CHRM3: variants seen among roughly 807,000 people sequenced by gnomAD.
CHRM3 encodes muscarinic acetylcholine receptor M3.
Under a neutral mutation model 41.8 loss-of-function variants are expected in CHRM3, and 11 were observed. That is an observed-to-expected ratio of 0.26 (90% CI 0.17 to 0.44). The LOEUF (loss-of-function observed/expected upper bound fraction) is 0.44, where lower values mean the gene tolerates loss of function less well. CHRM3 is among the 20% of genes least tolerant of loss of function. The pLI is 1.00. For synonymous variants in CHRM3, 297 were observed against 301.4 expected, an observed-to-expected ratio of 0.99 and a Z score of 0.15; for missense variants, 571 against 745.4, an observed-to-expected ratio of 0.77 and a Z score of 2.72.
chr1:239,405,179 T>C (rs773089726), intron 1 of CHRM3, among the ~76,000 whole-genome samples: 1 of 152,130 alleles, frequency 6.6e-6, no homozygotes, highest in Non-Finnish European at 1.5e-5. Flanking sequence ...GTACATTAGG[T>C]TAAGAAAACA....
chr1:239,545,072 A>G (rs1659162395), intron 2 of CHRM3, among the ~76,000 whole-genome samples: 2 of 152,100 alleles, frequency 1.3e-5, no homozygotes, highest in Non-Finnish European at 2.9e-5. Flanking sequence ...AACATAGGCC[A>G]TAAAAAATTC....
intron 6 of CHRM3, among the ~76,000 whole-genome samples, chr1:239,848,099 A>G (rs1474402203): frequency 6.6e-6 from 1 of 152,114 alleles, no homozygotes; most frequent in Admixed American, 6.6e-5. Flanking sequence ...TCATGCATAC[A>G]TTTGCCTAAT....
At chr1:239,585,255 T>A (rs1210127208) in intron 3 of CHRM3, among the ~76,000 whole-genome samples, 1 of 152,148 alleles carries the variant, frequency 6.6e-6, no homozygotes, top group Non-Finnish European at 1.5e-5. Context: ...CTCTTGTGAT[T>A]ATAAGTTTTC....
At chr1:239,895,143 C>T (rs180994557) in intron 6 of CHRM3, among the ~76,000 whole-genome samples, 1 of 152,324 alleles carries the variant, frequency 6.6e-6, no homozygotes, top group Admixed American at 6.5e-5. Context: ...CTCTTTTTCT[C>T]TGCAGCAGTA....
At chr1:239,432,941 T>G (rs980812624) in intron 1 of CHRM3, among the ~76,000 whole-genome samples, 3 of 152,196 alleles carry the variant, frequency 2.0e-5, no homozygotes, top group Non-Finnish European at 2.9e-5. Flanking sequence ...TTCTGTCCTA[T>G]TTTTACTCTC....
At chr1:239,713,124 C>T (rs183689969) in intron 5 of CHRM3, among the ~76,000 whole-genome samples, 16 of 152,198 alleles carry the variant, frequency 1.1e-4, no homozygotes, top group Admixed American at 3.9e-4. Context: ...CATTTCTGTG[C>T]GGTAGAAGAC....
intron 5 of CHRM3, among the ~76,000 whole-genome samples, chr1:239,752,739 A>G (rs1665934508): frequency 6.6e-6 from 1 of 152,240 alleles, no homozygotes; most frequent in African/African-American, 2.4e-5. Flanking sequence ...AGAATAGTTT[A>G]ATAAAGCTAA....
chr1:239,404,728 ATATATATATAT>A (rs1041711929), intron 1 of CHRM3, among the ~76,000 whole-genome samples: 1 of 130,268 alleles, frequency 7.7e-6, no homozygotes, highest in East Asian at 3.0e-4. Context: ...AAATATATAT[ATATATATATAT>A]ATATATATAT....
In CHRM3 at chr1:239,682,192, T is replaced by C. The variant is rs113620859; in HGVS notation, c.-147+3904T>C. On this transcript the variant is annotated intron_variant, in intron 5 of 6. Transcript: ENST00000676153. ...AGTGTTTATTAATGAGATGTCTTTG[T>C]GTTTCCTTTTGGGATCAAGATGGAC... is the stretch of plus-strand genomic sequence containing the variant. Among the ~76,000 whole-genome samples the C allele has an allele frequency of 1.2e-4, 18 of 152,316 alleles. 1 individual carries two copies. Among genetic ancestry groups the C allele is most frequent in the African/African-American group, 4.3e-4 (18 of 41,578 alleles).
At chr1:239,895,924 A>G (rs533539304) in intron 6 of CHRM3, among the ~76,000 whole-genome samples, 1 of 152,318 alleles carries the variant, frequency 6.6e-6, no homozygotes, top group East Asian at 1.9e-4. Context: ...CACAACACAT[A>G]ATTTACCTAT....
intron 6 of CHRM3, among the ~76,000 whole-genome samples, chr1:239,887,912 C>A (rs1176239730): frequency 2.6e-5 from 4 of 152,090 alleles, no homozygotes; most frequent in Non-Finnish European, 5.9e-5. Context: ...AATGTATAAG[C>A]TTCAGTTTCC....
At chr1:239,622,647 A>G (rs1362878087) in intron 3 of CHRM3, among the ~76,000 whole-genome samples, 2 of 152,210 alleles carry the variant, frequency 1.3e-5, no homozygotes, top group Non-Finnish European at 2.9e-5. Flanking sequence ...CTATCTCATG[A>G]TAAAACTTGG....
chr1:239,417,584 T>G (rs1473506738), intron 1 of CHRM3, among the ~76,000 whole-genome samples: 2 of 151,440 alleles, frequency 1.3e-5, no homozygotes, highest in East Asian at 1.9e-4. Flanking sequence ...AATTTGTTTT[T>G]TTTTTTTTTT....
intron 5 of CHRM3, among the ~76,000 whole-genome samples, chr1:239,815,117 A>G (rs915156995): frequency 6.6e-6 from 1 of 152,122 alleles, no homozygotes; most frequent in Non-Finnish European, 1.5e-5. Flanking sequence ...CAAAGTACCC[A>G]TTGATCTTTT....
At chr1:239,865,089 C>T (rs1292533917) in intron 6 of CHRM3, among the ~76,000 whole-genome samples, 1 of 152,160 alleles carries the variant, frequency 6.6e-6, no homozygotes, top group Non-Finnish European at 1.5e-5. Flanking sequence ...AAATAACTGC[C>T]CATTGACTAA....
chr1:239,503,206 G>T (rs529373852), intron 2 of CHRM3, among the ~76,000 whole-genome samples: 8 of 152,050 alleles, frequency 5.3e-5, no homozygotes, highest in African/African-American at 1.9e-4. Context: ...AAAGAACTTG[G>T]CAAAGTTTCT....
chr1:239,831,129 GCA>G (rs1377990082), intron 6 of CHRM3, among the ~76,000 whole-genome samples: 2 of 152,092 alleles, frequency 1.3e-5, no homozygotes. Context: ...AGAAGAAAGA[GCA>G]CAGCCCAGCG....
intron 3 of CHRM3, among the ~76,000 whole-genome samples, chr1:239,618,208 G>C (rs1667849261): frequency 6.7e-6 from 1 of 149,784 alleles, no homozygotes; most frequent in African/African-American, 2.5e-5. Flanking sequence ...GGGGCTTGCA[G>C]TCTTTACCCA....
chr1:239,477,060 TA>T (rs1666515196), intron 1 of CHRM3, among the ~76,000 whole-genome samples: 2 of 152,330 alleles, frequency 1.3e-5, no homozygotes, highest in South Asian at 4.1e-4. Flanking sequence ...ATTGCTGAGC[TA>T]AAGTAGCATA....
Sources: gnomAD v4.1 joint callset for allele counts (sites outside exome capture counted in the v4.1 genomes callset) on GRCh38, gnomAD v4.1.1 for gene constraint, MANE v1.5 for transcripts, NCBI Gene and HGNC (gene_info 2026-07-23, HGNC 2026-07-21) for gene names.